AGMO: variants seen among roughly 807,000 people sequenced by gnomAD.
The protein encoded by AGMO is alkylglycerol monooxygenase.
Under a neutral mutation model 60.2 loss-of-function variants are expected in AGMO, and 75 were observed. The observed-to-expected ratio is 1.25, with a 90% CI of 1.03 to 1.51. AGMO has a LOEUF of 1.51. Among genes scored for constraint, AGMO ranks in the 40% most tolerant of loss-of-function variants. The probability of loss-of-function intolerance (pLI) is 0.00; values close to 1 mark genes in which losing one functional copy is unlikely to be tolerated. For synonymous variants in AGMO, 261 were observed against 177.1 expected (o/e 1.47, Z -3.76); for missense variants, 763 against 525.5 (o/e 1.45, Z -4.42).
At chr7:15,539,218 G>A (rs943531089) in intron 3 of AGMO, among the ~76,000 whole-genome samples, 2 of 152,010 alleles carry the variant, frequency 1.3e-5, no homozygotes, top group Non-Finnish European at 2.9e-5. Context: ...CATGAGATTT[G>A]GTGTACAGAT....
At chr7:15,427,474 A>G (rs1040819441) in intron 4 of AGMO, among the ~76,000 whole-genome samples, 8 of 152,088 alleles carry the variant, frequency 5.3e-5, no homozygotes, top group Admixed American at 5.2e-4. Flanking sequence ...ACTAGTTGGG[A>G]TTTTGTATGT....
the AGMO span, among the ~76,000 whole-genome samples, chr7:15,157,777 A>C: frequency 6.6e-6 from 1 of 152,168 alleles, no homozygotes; most frequent in African/African-American, 2.4e-5. Context: ...TGTACTTCTC[A>C]CAATTGTGTA....
At chr7:15,333,378 T>A (rs932016681) in intron 12 of AGMO, among the ~76,000 whole-genome samples, 3 of 152,106 alleles carry the variant, frequency 2.0e-5, no homozygotes, top group Non-Finnish European at 4.4e-5. Flanking sequence ...AACATCAAAG[T>A]CCATTTCATA....
chr7:15,374,992 C>T (rs1783389037), intron 10 of AGMO, among the ~76,000 whole-genome samples: 1 of 151,912 alleles, frequency 6.6e-6, no homozygotes, highest in Non-Finnish European at 1.5e-5. Flanking sequence ...GTAATGCATA[C>T]TCCTACCAGA....
chr7:15,211,994 A>T (rs1198696834), intron 12 of AGMO, among the ~76,000 whole-genome samples: 1 of 151,954 alleles, frequency 6.6e-6, no homozygotes. Flanking sequence ...GAAAGGGCCA[A>T]ACTTGAAGGA....
chr7:15,545,021 T>C, intron 2 of AGMO, 98 bp from the exon 3 acceptor site: 1 of 876,486 alleles, frequency 1.1e-6, no homozygotes, highest in East Asian at 3.2e-5. Context: ...TATCTTCATA[T>C]AAAAAAATGA....
chr7:15,326,408 T>C (rs1475669762), intron 12 of AGMO, among the ~76,000 whole-genome samples: 4 of 152,192 alleles, frequency 2.6e-5, no homozygotes, highest in African/African-American at 9.7e-5. Flanking sequence ...ATGACTTCTC[T>C]TTAGAATCCT....
chr7:15,152,701 T>G, the AGMO span, among the ~76,000 whole-genome samples: 1 of 152,144 alleles, frequency 6.6e-6, no homozygotes, highest in African/African-American at 2.4e-5. Context: ...TGAGTGGTAT[T>G]CCATGATATA....
chr7:15,250,871 G>A (rs986006640), intron 12 of AGMO, among the ~76,000 whole-genome samples: 17 of 151,940 alleles, frequency 1.1e-4, no homozygotes, highest in African/African-American at 3.6e-4. Context: ...CTTGAACCCG[G>A]GAGGCAGACG....
chr7:15,333,544 T>G (rs1781562106), intron 12 of AGMO, among the ~76,000 whole-genome samples: 3 of 149,678 alleles, frequency 2.0e-5, no homozygotes, highest in Admixed American at 6.7e-5. Flanking sequence ...CCCTGACAAG[T>G]GCTAATGTAT....
chr7:15,217,359 C>CTA (rs72525142), intron 12 of AGMO, among the ~76,000 whole-genome samples: 29,986 of 151,962 alleles, frequency 0.2, 3,143 homozygotes, highest in South Asian at 0.33. Flanking sequence ...ATCTCTCTCT[C>CTA]TCTCTGTGTG....
rs375008176 is a variant in AGMO, at chr7:15,387,498, G to A, written c.865C>T (p.Pro289Ser). ...FSIWTTFWAT[P>S]GFFNKFSVIF... ...ACAGAAAACTTATTGAAGAATCCAG[G>A]TGTGGCCCAGAATGTAGTCCATATG... The change falls in exon 9 of 13, where the codon CCT becomes TCT. Residue 289 changes from proline to serine, a missense_variant. Coordinates refer to ENST00000342526, the MANE Select transcript of AGMO (RefSeq NM_001004320.2). The A allele has an allele frequency of 1.9e-6, 3 of 1,613,748 alleles. No homozygotes were observed. The highest frequency in any genetic ancestry group is 3.3e-5 in the Admixed American group (2 of 60,000).
At chr7:15,430,830 G>C (rs948046453) in intron 4 of AGMO, among the ~76,000 whole-genome samples, 175 bp downstream of exon 4, 1 of 151,208 alleles carries the variant, frequency 6.6e-6, no homozygotes, top group South Asian at 2.1e-4. Context: ...TGCTTCATGT[G>C]TGTCTGGCCT....
chr7:15,537,959 G>A (rs1278880102), intron 3 of AGMO, among the ~76,000 whole-genome samples: 1 of 152,014 alleles, frequency 6.6e-6, no homozygotes, highest in African/African-American at 2.4e-5. Context: ...ATTTGACGTG[G>A]GATGGCGCCT....
At chr7:15,552,552 CAAAA>C (rs1426824444) in intron 2 of AGMO, among the ~76,000 whole-genome samples, 1 of 147,814 alleles carries the variant, frequency 6.8e-6, no homozygotes, top group Admixed American at 6.7e-5. Flanking sequence ...TTTATGCAGC[CAAAA>C]AACACATGAA....
intron 12 of AGMO, chr7:15,306,482 A>G: frequency 2.1e-6 from 1 of 469,130 alleles, no homozygotes; most frequent in South Asian, 1.6e-5. Flanking sequence ...GGTGGTTTCC[A>G]GCTGTGAGAC....
chr7:15,548,336 G>A (rs1784847494), intron 2 of AGMO, among the ~76,000 whole-genome samples: 1 of 151,986 alleles, frequency 6.6e-6, no homozygotes, highest in South Asian at 2.1e-4. Context: ...GACGAGCTGA[G>A]AGAAGAAGGC....
intron 12 of AGMO, among the ~76,000 whole-genome samples, chr7:15,273,837 C>G (rs1055806746): frequency 1.3e-5 from 2 of 152,180 alleles, no homozygotes; most frequent in African/African-American, 4.8e-5. Flanking sequence ...AGGTCCTTCA[C>G]ATCCCTTGTA....
At chr7:15,412,714 G>A (rs575378485) in intron 5 of AGMO, among the ~76,000 whole-genome samples, 4 of 146,888 alleles carry the variant, frequency 2.7e-5, no homozygotes, top group African/African-American at 1.0e-4. Flanking sequence ...AAAAGACAAG[G>A]CTTGCCCTAA....
Sources: allele counts gnomAD v4.1 joint callset (sites outside exome capture counted in the v4.1 genomes callset), GRCh38; gene constraint gnomAD v4.1.1; transcripts MANE v1.5; gene names NCBI Gene and HGNC (gene_info 2026-07-23, HGNC 2026-07-21).